The following CADPS variants were observed in gnomAD, a reference collection of about 807,000 sequenced individuals.
CADPS encodes the protein calcium-dependent secretion activator 1.
A neutral mutation model predicts 167.3 loss-of-function variants in CADPS; 57 were observed. That is an observed-to-expected ratio of 0.34 (90% CI 0.28 to 0.42). The LOEUF (loss-of-function observed/expected upper bound fraction) is 0.42. Among genes scored for constraint, CADPS ranks in the 20% least tolerant of loss-of-function variants. The pLI, the probability that CADPS is intolerant of heterozygous loss-of-function variation, is 1.00. For synonymous variants in CADPS, 676 were observed against 635.3 expected (o/e 1.06, Z -0.96); for missense variants, 1,414 against 1,738.1 (o/e 0.81, Z 3.32).
At chr3:62,525,159 G>T (rs2071743285) in intron 13 of CADPS, among the ~76,000 whole-genome samples, 1 of 152,074 alleles carries the variant, frequency 6.6e-6, no homozygotes, top group African/African-American at 2.4e-5. Context: ...GGGCCAGAAA[G>T]ATTGCACCAA....
chr3:62,871,400 G>A (rs546158332), intron 1 of CADPS, among the ~76,000 whole-genome samples: 1 of 152,228 alleles, frequency 6.6e-6, no homozygotes, highest in Non-Finnish European at 1.5e-5. Flanking sequence ...TTTGATGGGT[G>A]TACAGGGGAA....
At chr3:62,460,988 A>G (rs373398218) in intron 26 of CADPS, among the ~76,000 whole-genome samples, 4 of 152,304 alleles carry the variant, frequency 2.6e-5, no homozygotes, top group South Asian at 2.1e-4. Context: ...TATAAAGTTC[A>G]GACAGAACTT....
At chr3:62,527,908 A>G (rs965047998) in intron 13 of CADPS, among the ~76,000 whole-genome samples, 7 of 152,218 alleles carry the variant, frequency 4.6e-5, no homozygotes, top group Non-Finnish European at 8.8e-5. Context: ...ACATCTCCAC[A>G]TCCAAATGCT....
At position 62,469,664 on chromosome 3, in the gene CADPS, C is replaced by A. The variant is rs185007713; in HGVS notation, c.3478-3251G>T. The A allele has an allele frequency of 2.3e-3, 405 of 174,410 alleles. 3 individuals are homozygous for A. Among genetic ancestry groups the A allele is most frequent in the Non-Finnish European group, 2.7e-3 (215 of 79,696 alleles). 10.8% of individuals were successfully genotyped at this position (174,410 alleles called of 1,614,324 possible). ...CTAGGACTACAGGTGTGCGCCACCA[C>A]GCCCAGCTCATTTTTTTGTATTTTT... On this transcript the variant is annotated intron_variant, in intron 24 of 29. Transcript: ENST00000383710.
intron 1 of CADPS, among the ~76,000 whole-genome samples, chr3:62,771,130 T>G (rs2088606248): frequency 6.6e-6 from 1 of 152,248 alleles, no homozygotes. Flanking sequence ...CATATCTGTC[T>G]TGTTTACTGT....
At chr3:62,436,598 G>C (rs2055104514) in intron 28 of CADPS, among the ~76,000 whole-genome samples, 1 of 152,206 alleles carries the variant, frequency 6.6e-6, no homozygotes, top group Admixed American at 6.5e-5. Context: ...TGCAGAGAAG[G>C]GGGAGGACCC....
At chr3:62,428,844 A>G (rs1003128787) in intron 28 of CADPS, among the ~76,000 whole-genome samples, 5 of 152,216 alleles carry the variant, frequency 3.3e-5, no homozygotes, top group African/African-American at 1.2e-4. Context: ...CATTTTGAGA[A>G]GGACAGTGGC....
At chr3:62,418,713 C>A (rs2050703444) in intron 28 of CADPS, among the ~76,000 whole-genome samples, 1 of 151,836 alleles carries the variant, frequency 6.6e-6, no homozygotes, top group Non-Finnish European at 1.5e-5. Flanking sequence ...AGGCAAAAAC[C>A]TTCAAAACCC....
intron 1 of CADPS, among the ~76,000 whole-genome samples, chr3:62,798,619 T>C (rs940224130): frequency 1.4e-4 from 22 of 152,122 alleles, no homozygotes; most frequent in African/African-American, 4.8e-4. Flanking sequence ...CTCTAGAGAA[T>C]ACTAATACAA....
At chr3:62,600,825 A>G (rs902236265) in intron 6 of CADPS, among the ~76,000 whole-genome samples, 1 of 152,212 alleles carries the variant, frequency 6.6e-6, no homozygotes, top group Non-Finnish European at 1.5e-5. Flanking sequence ...TAGTTTTATT[A>G]TAAATATAGC....
At chr3:62,611,254 A>G (rs2061463293) in intron 6 of CADPS, among the ~76,000 whole-genome samples, 3 of 152,164 alleles carry the variant, frequency 2.0e-5, no homozygotes, top group Admixed American at 2.0e-4. Flanking sequence ...CCCAAAGTGT[A>G]GAGTCATCCA....
intron 28 of CADPS, among the ~76,000 whole-genome samples, chr3:62,430,658 T>TTACA (rs1161026668): frequency 6.6e-6 from 1 of 151,986 alleles, no homozygotes; most frequent in African/African-American, 2.4e-5. Context: ...GGTATATATC[T>TTACA]TACATACATA....
chr3:62,779,521 A>G, intron 1 of CADPS: 1 of 537,466 alleles, frequency 1.9e-6, no homozygotes, highest in Non-Finnish European at 3.8e-6. Flanking sequence ...TTCTTGGCCC[A>G]TCATGTGGCT....
intron 1 of CADPS, among the ~76,000 whole-genome samples, chr3:62,822,256 G>T (rs1017722043): frequency 6.6e-6 from 1 of 152,092 alleles, no homozygotes; most frequent in Non-Finnish European, 1.5e-5. Context: ...GTGTCACTGC[G>T]GGCATTCTTA....
At chr3:62,677,882 G>A (rs929927915) in intron 3 of CADPS, among the ~76,000 whole-genome samples, 7 of 152,052 alleles carry the variant, frequency 4.6e-5, no homozygotes, top group African/African-American at 1.4e-4. Flanking sequence ...AAGGCACCAG[G>A]TTTGCAAGAA....
At chr3:62,559,273 CA>C (rs2078725657) in intron 9 of CADPS, among the ~76,000 whole-genome samples, 1 of 152,132 alleles carries the variant, frequency 6.6e-6, no homozygotes, top group African/African-American at 2.4e-5. Flanking sequence ...GTCTCATAAG[CA>C]AAATCTGCCA....
intron 28 of CADPS, among the ~76,000 whole-genome samples, chr3:62,414,349 A>T (rs1339089677): frequency 6.6e-6 from 1 of 152,162 alleles, no homozygotes; most frequent in Admixed American, 6.5e-5. Context: ...ACCACAACAG[A>T]CTTATTAAGG....
At chr3:62,426,940 T>C (rs1338426181) in intron 28 of CADPS, among the ~76,000 whole-genome samples, 2 of 151,220 alleles carry the variant, frequency 1.3e-5, no homozygotes, top group East Asian at 3.9e-4. Flanking sequence ...CTGGGCATGG[T>C]GGCAGGCGCC....
chr3:62,807,507 C>T (rs2094162604), intron 1 of CADPS, among the ~76,000 whole-genome samples: 1 of 152,096 alleles, frequency 6.6e-6, no homozygotes, highest in African/African-American at 2.4e-5. Context: ...AGTACTTCAC[C>T]TGCCTCGGCC....
Sources: gnomAD v4.1 joint callset for allele counts (sites outside exome capture counted in the v4.1 genomes callset) on GRCh38, gnomAD v4.1.1 for gene constraint, MANE v1.5 for transcripts, NCBI Gene and HGNC (gene_info 2026-07-23, HGNC 2026-07-21) for gene names.